The following PLCL2 variants were observed in gnomAD, a reference collection of about 807,000 sequenced individuals.
PLCL2 encodes phospholipase C like 2, also known as inactive phospholipase C-like protein 2.
In PLCL2, 4 loss-of-function variants were observed where a neutral mutation model predicts 79.6. The observed-to-expected ratio is 0.05, with a 90% CI of 0.02 to 0.11. PLCL2 has a LOEUF of 0.11. Ranked by LOEUF, PLCL2 falls within the 10% of genes least tolerant of loss-of-function variation. The pLI, the probability that PLCL2 is intolerant of heterozygous loss-of-function variation, is 1.00. For missense variants in PLCL2, 895 were observed against 1,291.0 expected (o/e 0.69, Z 4.70); for synonymous variants, 484 against 457.7 (o/e 1.06, Z -0.73).
chr3:16,895,106 C>T lies in PLCL2; in HGVS notation c.327+9740C>T, dbSNP rs150436256. On this transcript the variant is annotated intron_variant, in intron 1 of 5. Coordinates refer to ENST00000615277, the MANE Select transcript of PLCL2 (RefSeq NM_001144382.2). ...TATATGTTGAAACATGTATCTATAT[C>T]GATATAGATATATGTTGAAACATGT... Among the ~76,000 whole-genome samples the T allele has an allele frequency of 3.5e-5, 5 of 141,378 alleles. No individual in the cohort carries two copies. In the East Asian group the frequency reaches 6.2e-4, roughly 18 times the overall value. 92.7% of individuals were successfully genotyped at this position (141,378 alleles called of 152,430 possible).
chr3:16,896,654 GTT>G (rs899284333), intron 1 of PLCL2, among the ~76,000 whole-genome samples: 7 of 152,154 alleles, frequency 4.6e-5, no homozygotes, highest in Non-Finnish European at 8.8e-5. Flanking sequence ...AGCAAAACCA[GTT>G]ATCCAGATAT....
chr3:17,016,831 C>G (rs564299980), intron 3 of PLCL2, among the ~76,000 whole-genome samples: 3 of 152,280 alleles, frequency 2.0e-5, no homozygotes, highest in African/African-American at 7.2e-5. Flanking sequence ...TTTCATTGAC[C>G]AAAATCTAAT....
chr3:17,046,355 C>G (rs905719376), intron 4 of PLCL2, among the ~76,000 whole-genome samples: 4 of 152,152 alleles, frequency 2.6e-5, no homozygotes, highest in African/African-American at 7.2e-5. Flanking sequence ...TTTCTAATAT[C>G]TATGTTTTTG....
At chr3:16,917,634 C>T (rs1014035900) in intron 1 of PLCL2, among the ~76,000 whole-genome samples, 1 of 152,172 alleles carries the variant, frequency 6.6e-6, no homozygotes, top group Non-Finnish European at 1.5e-5. Context: ...GTAGCCTCTC[C>T]ACTCATGATA....
At position 17,089,755 on chromosome 3, in the gene PLCL2, A is replaced by G; in HGVS notation, c.3227A>G (p.Tyr1076Cys). 6.2e-7 allele frequency: 1 copy of G among 1,608,676 alleles called. No homozygotes were observed. The highest frequency in any genetic ancestry group is 2.2e-5 in the East Asian group (1 of 44,850). Residue 1076 changes from tyrosine (Y) to cysteine (C), a missense_variant, in exon 6 of 6, where the codon TAT becomes TGT. This residue lies in a region of PLCL2 where 298 missense variants were observed against 459.6 expected (regional missense o/e 0.65). Coordinates refer to ENST00000615277, the MANE Select transcript of PLCL2 (RefSeq NM_001144382.2). ...ILKGQADLLK[Y>C]AKNETLENLK... ...TAGGGACAAGCAGATCTTTTGAAAT[A>G]TGCTAAGAATGAGACATTGGAGAAC...
intron 3 of PLCL2, among the ~76,000 whole-genome samples, chr3:17,022,122 T>C (rs768267086): frequency 7.2e-5 from 11 of 152,174 alleles, no homozygotes; most frequent in Non-Finnish European, 1.6e-4. Context: ...CAAAGGCAGA[T>C]TGCTAATTTT....
chr3:17,001,476 C>T (rs2064210452), intron 1 of PLCL2, among the ~76,000 whole-genome samples: 1 of 152,014 alleles, frequency 6.6e-6, no homozygotes, highest in African/African-American at 2.4e-5. Context: ...CTAGTAGTTT[C>T]ATAGTTTCAG....
chr3:16,980,591 A>G (rs1190980838), intron 1 of PLCL2, among the ~76,000 whole-genome samples: 7 of 150,908 alleles, frequency 4.6e-5, no homozygotes, highest in Admixed American at 1.3e-4. Flanking sequence ...GGCCGGGAAG[A>G]GGCGCTCCTC....
intron 1 of PLCL2, among the ~76,000 whole-genome samples, chr3:16,939,424 T>G (rs1442359844): frequency 6.6e-6 from 1 of 152,194 alleles, no homozygotes; most frequent in East Asian, 1.9e-4. Context: ...CCAGATGGTA[T>G]GATTATATAG....
intron 1 of PLCL2, among the ~76,000 whole-genome samples, chr3:16,924,068 A>G (rs1697188309): frequency 6.6e-6 from 1 of 152,160 alleles, no homozygotes; most frequent in Non-Finnish European, 1.5e-5. Flanking sequence ...TGTATTTAAC[A>G]TGGTTGATTA....
intron 4 of PLCL2, among the ~76,000 whole-genome samples, chr3:17,061,669 AAAG>A (rs1302682047): frequency 6.6e-6 from 1 of 152,238 alleles, no homozygotes; most frequent in Admixed American, 6.5e-5. Flanking sequence ...AGATAACATG[AAAG>A]AAGCAATAAA....
chr3:16,966,188 T>G (rs1559501341), intron 1 of PLCL2, among the ~76,000 whole-genome samples: 1 of 140,256 alleles, frequency 7.1e-6, no homozygotes, highest in Non-Finnish European at 1.6e-5. Context: ...TTGAGATACA[T>G]CCCATCAATA....
intron 4 of PLCL2, among the ~76,000 whole-genome samples, chr3:17,056,237 A>G (rs1240408815): frequency 6.6e-6 from 1 of 152,232 alleles, no homozygotes; most frequent in Non-Finnish European, 1.5e-5. Context: ...TTCTTATTAA[A>G]GCTGAGAAGA....
intron 1 of PLCL2, among the ~76,000 whole-genome samples, chr3:16,948,879 A>G (rs2063625056): frequency 6.6e-6 from 1 of 152,198 alleles, no homozygotes. Context: ...AAGGTACATA[A>G]ACTATTTCTG....
At chr3:16,958,002 T>A (rs2063722688) in intron 1 of PLCL2, among the ~76,000 whole-genome samples, 2 of 152,222 alleles carry the variant, frequency 1.3e-5, no homozygotes, top group Admixed American at 6.5e-5. Flanking sequence ...TCTGTGTCTT[T>A]TAATTGGAGC....
intron 4 of PLCL2, among the ~76,000 whole-genome samples, chr3:17,049,608 G>T (rs566192054): frequency 6.6e-6 from 1 of 151,994 alleles, no homozygotes; most frequent in East Asian, 1.9e-4. Flanking sequence ...AAATACCTAG[G>T]AATTAACTTA....
intron 1 of PLCL2, among the ~76,000 whole-genome samples, chr3:16,902,082 C>T (rs1032832773): frequency 6.6e-6 from 1 of 152,192 alleles, no homozygotes; most frequent in Non-Finnish European, 1.5e-5. Context: ...CTCTGCATCC[C>T]CTCTAGCATG....
chr3:17,029,108 GGGCT>G (rs1378819768), intron 3 of PLCL2, among the ~76,000 whole-genome samples: 2 of 152,192 alleles, frequency 1.3e-5, no homozygotes, highest in African/African-American at 4.8e-5. Flanking sequence ...AAGGCAGTGA[GGGCT>G]GGCTTTGCTG....
At chr3:17,025,258 A>G (rs2064504058) in intron 3 of PLCL2, among the ~76,000 whole-genome samples, 1 of 152,218 alleles carries the variant, frequency 6.6e-6, no homozygotes, top group African/African-American at 2.4e-5. Context: ...TGCAAGATCC[A>G]TTCTTCAGGA....
Sources: gnomAD v4.1 joint callset for allele counts (sites outside exome capture counted in the v4.1 genomes callset) on GRCh38, gnomAD v4.1.1 for gene constraint, gnomAD v4.1.1 regional missense constraint, MANE v1.5 for transcripts, NCBI Gene and HGNC (gene_info 2026-07-23, HGNC 2026-07-21) for gene names.